The following EPHB2 variants were observed in gnomAD, a reference collection of about 807,000 sequenced individuals.
EPHB2 encodes ephrin type-B receptor 2.
A neutral mutation model predicts 96.4 loss-of-function variants in EPHB2; 18 were observed. The observed-to-expected ratio is 0.19, with a 90% confidence interval of 0.13 to 0.28. The LOEUF (loss-of-function observed/expected upper bound fraction) is 0.28, where lower values mean the gene tolerates loss of function less well. EPHB2 is among the 10% of genes least tolerant of loss of function. The probability of loss-of-function intolerance (pLI) is 1.00; values close to 1 mark genes in which losing one functional copy is unlikely to be tolerated. For missense variants in EPHB2, 989 were observed against 1,355.4 expected (o/e 0.73, Z 4.25); for synonymous variants, 506 against 534.1 (o/e 0.95, Z 0.72).
intron 3 of EPHB2, among the ~76,000 whole-genome samples, chr1:22,862,032 A>AG (rs1638275591): frequency 6.6e-6 from 1 of 152,248 alleles, no homozygotes; most frequent in African/African-American, 2.4e-5. Context: ...ATCATAGCAG[A>AG]GCTGGGTTCA....
intron 1 of EPHB2, among the ~76,000 whole-genome samples, chr1:22,751,940 T>C (rs1324861118): frequency 6.6e-6 from 1 of 152,194 alleles, no homozygotes; most frequent in Non-Finnish European, 1.5e-5. Context: ...CTGTCTTCTT[T>C]AAAAATCAGG....
chr1:22,891,159 C>G (rs1307224635), intron 6 of EPHB2: 1 of 456,004 alleles, frequency 2.2e-6, no homozygotes, highest in Non-Finnish European at 4.4e-6. Context: ...AGGAACTTGC[C>G]CAAGGTCACA....
chr1:22,760,390 C>T (rs1561625), intron 1 of EPHB2, among the ~76,000 whole-genome samples: 26,256 of 152,094 alleles, frequency 0.17, 2,593 homozygotes, highest in African/African-American at 0.27. Flanking sequence ...GGCCTGGATT[C>T]TTTAAGGACA....
At chr1:22,905,609 G>A (rs910106611) in intron 9 of EPHB2, among the ~76,000 whole-genome samples, 15 of 152,172 alleles carry the variant, frequency 9.9e-5, no homozygotes, top group African/African-American at 2.2e-4. Context: ...CCCCTTCTTC[G>A]TTTACGTTGC....
At chr1:22,747,730 C>T (rs1265672563) in intron 1 of EPHB2, among the ~76,000 whole-genome samples, 2 of 152,244 alleles carry the variant, frequency 1.3e-5, no homozygotes, top group Admixed American at 1.3e-4. Context: ...CAGGTGCGAC[C>T]TGTCTCCTCA....
chr1:22,773,267 G>A (rs1644403382), intron 1 of EPHB2, among the ~76,000 whole-genome samples: 1 of 152,200 alleles, frequency 6.6e-6, no homozygotes, highest in Non-Finnish European at 1.5e-5. Flanking sequence ...GTCTTCTCCT[G>A]GAATTTCTAA....
intron 3 of EPHB2, among the ~76,000 whole-genome samples, chr1:22,801,564 C>T (rs1018720760): frequency 4.6e-5 from 7 of 151,994 alleles, no homozygotes; most frequent in Non-Finnish European, 7.4e-5. Context: ...AGAACGCTTC[C>T]TCCAGCAAGC....
At chr1:22,761,518 G>A (rs534521783) in intron 1 of EPHB2, among the ~76,000 whole-genome samples, 32 of 152,288 alleles carry the variant, frequency 2.1e-4, no homozygotes, top group Admixed American at 1.6e-3. Context: ...ACACAGACCC[G>A]GGTCAGCCAC....
At chr1:22,888,023 TTTTG>T (rs915528673) in intron 6 of EPHB2, among the ~76,000 whole-genome samples, 6 of 152,124 alleles carry the variant, frequency 3.9e-5, no homozygotes, top group African/African-American at 1.4e-4. Flanking sequence ...ATAATGGTTT[TTTTG>T]TTTGTTTGTT....
At chr1:22,728,160 T>A (rs1000545096) in intron 1 of EPHB2, among the ~76,000 whole-genome samples, 10 of 152,338 alleles carry the variant, frequency 6.6e-5, no homozygotes, top group Admixed American at 3.3e-4. Flanking sequence ...GGGATTTTTT[T>A]ATCTCTTTTG....
In EPHB2 at chr1:22,846,521, C is replaced by T. The variant is rs1365854944; in HGVS notation, c.812-16516C>T. Among the ~76,000 whole-genome samples the T allele has an allele frequency of 6.6e-6, 1 of 152,126 alleles. No individual in the cohort carries two copies. Among genetic ancestry groups the T allele is most frequent in the Non-Finnish European group, 1.5e-5 (1 of 68,030 alleles). On this transcript the variant is annotated intron_variant, in intron 3 of 15. Coordinates refer to ENST00000374630, the MANE Select transcript of EPHB2 (RefSeq NM_017449.5). The surrounding 1 kb of genome is among the most constrained non-coding windows in gnomAD (Gnocchi z 4.3). ...ACAGACCGCCCTGCCAAAGACAGAA[C>T]TGCCCGATCTGCAGGCCTTGGGCAT...
chr1:22,842,054 G>A (rs939506565), intron 3 of EPHB2, among the ~76,000 whole-genome samples: 1 of 152,140 alleles, frequency 6.6e-6, no homozygotes, highest in African/African-American at 2.4e-5. Context: ...GCCTGGGGTT[G>A]GGTGAGGGGC....
intron 1 of EPHB2, among the ~76,000 whole-genome samples, chr1:22,773,180 T>C (rs1456327595): frequency 8.5e-5 from 13 of 152,230 alleles, no homozygotes; most frequent in Non-Finnish European, 1.9e-4. Context: ...GCAAGGATTT[T>C]GTCATCTCCA....
intron 3 of EPHB2, among the ~76,000 whole-genome samples, chr1:22,813,964 CAG>C (rs1227301137): frequency 6.6e-6 from 1 of 152,084 alleles, no homozygotes; most frequent in Non-Finnish European, 1.5e-5. Flanking sequence ...CACTTGAGGT[CAG>C]GGGTTCAAGA....
chr1:22,907,496 CA>C (rs1639956270), intron 11 of EPHB2, among the ~76,000 whole-genome samples: 1 of 152,204 alleles, frequency 6.6e-6, no homozygotes, highest in Non-Finnish European at 1.5e-5. Context: ...ACCAACCAGA[CA>C]AAGCACCAGA....
At chr1:22,748,196 T>C (rs1190545134) in intron 1 of EPHB2, among the ~76,000 whole-genome samples, 1 of 152,226 alleles carries the variant, frequency 6.6e-6, no homozygotes, top group Non-Finnish European at 1.5e-5. Context: ...AAGCTCTTAA[T>C]GCCTGCCACA....
chr1:22,796,517 A>G (rs1644768885), intron 3 of EPHB2, among the ~76,000 whole-genome samples: 1 of 152,198 alleles, frequency 6.6e-6, no homozygotes, highest in African/African-American at 2.4e-5. Context: ...GGCCATTTCC[A>G]TCTCACTTGC....
intron 3 of EPHB2, among the ~76,000 whole-genome samples, chr1:22,853,614 C>G (rs1645656479): frequency 6.6e-6 from 1 of 152,218 alleles, no homozygotes. Flanking sequence ...CAAGAAGGAG[C>G]TGGGTGGGAG....
rs936033358 is a variant in EPHB2 at position 22,920,767 on chromosome 1, A to G, written c.*7197A>G. 6.6e-6 allele frequency: 1 copy of G among 152,224 alleles called. No individual in the cohort carries two copies. Among genetic ancestry groups the G allele is most frequent in the African/African-American group, 2.4e-5 (1 of 41,446 alleles). 9.4% of individuals were successfully genotyped at this position (152,224 alleles called of 1,614,324 possible). A position where few individuals can be genotyped will look rare whatever the true frequency, so the allele number is the denominator to read the frequency against. ...AGAGAAGAGTAATTACCACTTGGTCATGCCCAGCCCCCAAATCATAATCAT... is the reference window on the plus strand; with the variant it reads ...AGAGAAGAGTAATTACCACTTGGTCGTGCCCAGCCCCCAAATCATAATCAT... On this transcript the variant is annotated 3_prime_UTR_variant, in exon 16 of 16. Transcript: ENST00000374630.
Sources: allele counts gnomAD v4.1 joint callset (sites outside exome capture counted in the v4.1 genomes callset), GRCh38; gene constraint gnomAD v4.1.1; non-coding constraint Gnocchi (gnomAD v3.1); transcripts MANE v1.5; gene names NCBI Gene and HGNC (gene_info 2026-07-23, HGNC 2026-07-21).